PCCA: variants seen among roughly 807,000 people sequenced by gnomAD.
PCCA encodes propionyl-CoA carboxylase alpha chain, mitochondrial.
Under a neutral mutation model 101.3 loss-of-function variants are expected in PCCA, and 74 were observed. That is an observed-to-expected ratio of 0.73 (90% CI 0.61 to 0.89). The LOEUF is 0.89. Ranked by LOEUF, PCCA falls within the 40% of genes least tolerant of loss-of-function variation. The pLI is 0.00. For missense variants in PCCA, 891 were observed against 907.0 expected (o/e 0.98, Z 0.23); for synonymous variants, 294 against 313.6 (o/e 0.94, Z 0.66).
rs754635232 is a variant in PCCA at position 100,157,358 on chromosome 13, C to G, written c.468+18C>G. ...GATGTTTGGTAAGTTGGTAATGAAC[C>G]AGAAACTGTTCATTTCTTTTTCAGA... On this transcript the variant is annotated intron_variant, in intron 6 of 23. Transcript: ENST00000376285. 9 of 1,556,852 alleles carry G rather than the reference C, an allele frequency of 5.8e-6. No individual in the cohort carries two copies. The highest frequency in any genetic ancestry group is 8.0e-6 in the Non-Finnish European group (9 of 1,128,558).
chr13:100,336,233 G>T (rs1298512714), intron 17 of PCCA, among the ~76,000 whole-genome samples: 1 of 152,198 alleles, frequency 6.6e-6, no homozygotes, highest in Non-Finnish European at 1.5e-5. Context: ...CTGCCCTCCA[G>T]CCTGGGCAGC....
At position 100,153,198 on chromosome 13, in the gene PCCA, A is replaced by G. The variant is rs551414614; in HGVS notation, c.301-1781A>G. Among the ~76,000 whole-genome samples the G allele has an allele frequency of 2.0e-5, 3 of 152,352 alleles. No homozygotes were observed. The South Asian group carries it at 6.2e-4, about 32-fold the overall frequency. ...TCTATGAGTAAATAGCTTTAATCAC[A>G]TAACATTGGGCTAGGGGAGATTAAA... On this transcript the variant is annotated intron_variant, in intron 4 of 23. Coordinates refer to ENST00000376285, the MANE Select transcript of PCCA (RefSeq NM_000282.4).
At chr13:100,188,363 T>C (rs1306221781) in intron 6 of PCCA, among the ~76,000 whole-genome samples, 1 of 144,640 alleles carries the variant, frequency 6.9e-6, no homozygotes, top group African/African-American at 2.5e-5. Flanking sequence ...ATGAATTCCA[T>C]CTGGATTGCT....
intron 21 of PCCA, among the ~76,000 whole-genome samples, chr13:100,478,336 G>A (rs181079163): frequency 1.6e-4 from 24 of 152,282 alleles, no homozygotes; most frequent in African/African-American, 4.6e-4. Flanking sequence ...GGGCCCAAGT[G>A]GACACCAGAG....
At position 100,111,841 on chromosome 13, in the gene PCCA, A is replaced by T. The variant is rs749265767; in HGVS notation, c.184A>T (p.Thr62Ser). Reference protein sequence around the residue: ...GSVGYDPNEKTFDKILVANRG... With the variant: ...GSVGYDPNEKSFDKILVANRG... Reference sequence around the variant, plus strand: ...ATGAATGTGTTTTTTCTCTCTTCAGACTTTTGATAAAATTCTTGTTGCTAA... The same window carrying T: ...ATGAATGTGTTTTTTCTCTCTTCAGTCTTTTGATAAAATTCTTGTTGCTAA... The change falls in exon 3 of 24, where the codon ACT (threonine) becomes TCT (serine). Residue 62 changes from threonine (T) to serine (S), a missense_variant and splice_region_variant. Physicochemically the swap from Thr to Ser is moderately conservative, Grantham distance 58. Coordinates refer to ENST00000376285, the MANE Select transcript of PCCA (RefSeq NM_000282.4). The T allele has an allele frequency of 3.1e-6, 5 of 1,604,728 alleles. No homozygotes were observed. Among genetic ancestry groups the T allele is most frequent in the Non-Finnish European group, 2.6e-6 (3 of 1,172,776 alleles).
At chr13:100,470,888 T>C (rs1051093674) in intron 21 of PCCA, among the ~76,000 whole-genome samples, 8 of 152,148 alleles carry the variant, frequency 5.3e-5, no homozygotes, top group East Asian at 1.9e-4. Flanking sequence ...ACTTTTCATA[T>C]CAGCAACAAG....
At chr13:100,140,081 G>C (rs1041185781) in intron 4 of PCCA, among the ~76,000 whole-genome samples, 1 of 152,150 alleles carries the variant, frequency 6.6e-6, no homozygotes, top group African/African-American at 2.4e-5. Context: ...GATGAGCTCA[G>C]AAGTTCATAA....
intron 4 of PCCA, among the ~76,000 whole-genome samples, chr13:100,122,378 A>G (rs2049492231): frequency 6.6e-6 from 1 of 152,080 alleles, no homozygotes; most frequent in Non-Finnish European, 1.5e-5. Context: ...CCTTTCTCTC[A>G]TCTTCTAGTT....
At chr13:100,448,424 C>A (rs1298507) in intron 20 of PCCA, among the ~76,000 whole-genome samples, 17,818 of 152,090 alleles carry the variant, frequency 0.12, 1,868 homozygotes, top group African/African-American at 0.28. Flanking sequence ...AATTCCTCAC[C>A]TCGTGATCCG....
intron 22 of PCCA, among the ~76,000 whole-genome samples, chr13:100,525,018 T>TAGAC (rs2087664290): frequency 7.0e-6 from 1 of 142,142 alleles, no homozygotes; most frequent in African/African-American, 2.7e-5. Context: ...GATAGATAGA[T>TAGAC]AGATAGATAG....
At chr13:100,241,954 T>C (rs1454834761) in intron 8 of PCCA, among the ~76,000 whole-genome samples, 1 of 152,200 alleles carries the variant, frequency 6.6e-6, no homozygotes, top group Non-Finnish European at 1.5e-5. Flanking sequence ...TTGGAGATAC[T>C]AGCAAATTAT....
intron 12 of PCCA, among the ~76,000 whole-genome samples, chr13:100,289,556 AT>A (rs1188976490): frequency 2.0e-5 from 3 of 151,360 alleles, no homozygotes; most frequent in Non-Finnish European, 4.4e-5. Flanking sequence ...ATATTTAAAA[AT>A]TTTTTTTCTT....
chr13:100,188,319 C>CA (rs1171191378), intron 6 of PCCA, among the ~76,000 whole-genome samples: 1 of 146,528 alleles, frequency 6.8e-6, no homozygotes, highest in African/African-American at 2.5e-5. Flanking sequence ...CAAAACAAAA[C>CA]AAAACAAAAA....
chr13:100,138,584 C>T (rs2051460140), intron 4 of PCCA, among the ~76,000 whole-genome samples: 1 of 152,130 alleles, frequency 6.6e-6, no homozygotes, highest in Non-Finnish European at 1.5e-5. Context: ...GAAGAACTTC[C>T]TTAAGCAGTT....
At chr13:100,332,792 C>G (rs1595396945) in intron 17 of PCCA, among the ~76,000 whole-genome samples, 1 of 152,186 alleles carries the variant, frequency 6.6e-6, no homozygotes. Flanking sequence ...TTGGACACCA[C>G]AATTTTGTTT....
chr13:100,323,882 G>T (rs2068346494), intron 16 of PCCA, among the ~76,000 whole-genome samples: 2 of 152,094 alleles, frequency 1.3e-5, no homozygotes, highest in South Asian at 4.1e-4. Flanking sequence ...GCTTTGAGAG[G>T]TTAACTAACT....
intron 17 of PCCA, among the ~76,000 whole-genome samples, chr13:100,334,377 G>A (rs967896160): frequency 2.0e-5 from 3 of 152,140 alleles, no homozygotes; most frequent in Non-Finnish European, 4.4e-5. Context: ...TGTTTGTTAA[G>A]CATTTACCAG....
In PCCA at chr13:100,132,442, T is replaced by C. The variant is rs561421717; in HGVS notation, c.300+20381T>C. Among the ~76,000 whole-genome samples the C allele has an allele frequency of 3.9e-5, 6 of 152,320 alleles. No individual in the cohort carries two copies. The South Asian group carries it at 1.0e-3, about 26-fold the overall frequency. ...ACCTTTTGAGACTGGCTACTTTCAC[T>C]CAGAATATGTTTTTGTGATTCATCC... On this transcript the variant is annotated intron_variant, in intron 4 of 23. Transcript: ENST00000376285.
chr13:100,120,177 CTTTT>C (rs11289175), intron 4 of PCCA, among the ~76,000 whole-genome samples: 2 of 131,052 alleles, frequency 1.5e-5, no homozygotes. Context: ...TTTCAGATTA[CTTTT>C]TTTTTTTTTT....
Sources: gnomAD v4.1 joint callset for allele counts (sites outside exome capture counted in the v4.1 genomes callset) on GRCh38, gnomAD v4.1.1 for gene constraint, MANE v1.5 for transcripts, NCBI Gene and HGNC (gene_info 2026-07-23, HGNC 2026-07-21) for gene names.